Variants in ARMC2 observed in about 807,000 individuals in gnomAD.
ARMC2 encodes the protein armadillo repeat-containing protein 2.
ARMC2 carries 67 observed loss-of-function variants against 90.3 expected under a neutral mutation model. That is an observed-to-expected ratio of 0.74 (90% confidence interval 0.61 to 0.91). The LOEUF is 0.91. ARMC2 is among the 40% of genes least tolerant of loss of function. The pLI is 0.00. For missense variants in ARMC2, 920 were observed against 1,030.9 expected (o/e 0.89, Z 1.47); for synonymous variants, 393 against 393.0 (o/e 1.00, Z 0.00).
chr6:108,925,189 G>A (rs930788987), intron 10 of ARMC2, among the ~76,000 whole-genome samples: 5 of 152,166 alleles, frequency 3.3e-5, no homozygotes, highest in African/African-American at 1.2e-4. Context: ...AGCCTGAGCT[G>A]GGTAACTACA....
chr6:108,907,781 G>A (rs1583073420), intron 8 of ARMC2: 1 of 1,610,740 alleles, frequency 6.2e-7, no homozygotes, highest in African/African-American at 1.3e-5. Context: ...AATGCCACTA[G>A]GGCTGAAGTC....
At chr6:108,929,627 A>G (rs1215272682) in intron 11 of ARMC2, among the ~76,000 whole-genome samples, 5 of 152,096 alleles carry the variant, frequency 3.3e-5, no homozygotes, top group African/African-American at 1.2e-4. Flanking sequence ...CCACAGGTGC[A>G]CGCCAACATG....
the ARMC2 span, among the ~76,000 whole-genome samples, chr6:108,984,262 T>C: frequency 2.6e-5 from 4 of 152,336 alleles, no homozygotes; most frequent in South Asian, 2.1e-4. Flanking sequence ...TGTAAGTCTT[T>C]TGTCTTAGTC....
At chr6:109,017,241 T>G in the ARMC2 span, among the ~76,000 whole-genome samples, 1 of 152,282 alleles carries the variant, frequency 6.6e-6, no homozygotes, top group East Asian at 1.9e-4. Flanking sequence ...TATGTAACCA[T>G]TTAGCATTCA....
chr6:108,909,682 C>T (rs886706911), intron 8 of ARMC2, among the ~76,000 whole-genome samples: 7 of 152,000 alleles, frequency 4.6e-5, no homozygotes, highest in African/African-American at 9.7e-5. Flanking sequence ...ATTACAGGCG[C>T]GTGCCACCAC....
Position 108,935,465 on chromosome 6 carries a change from A to C in ARMC2, c.1497-1435A>C, listed in dbSNP as rs567440329. The stretch of plus-strand genomic sequence containing the variant: ...TTTTTGTTTTTTGTTTTTTTGAGAC[A>C]AGGTCTCACTCTGTCACCCAGGCTG... On this transcript the variant is annotated intron_variant, in intron 11 of 17. Coordinates refer to ENST00000392644, the MANE Select transcript of ARMC2 (RefSeq NM_032131.6). Among the ~76,000 whole-genome samples the C allele has an allele frequency of 3.1e-3, 471 of 152,126 alleles. 3 individuals carry two copies. The highest frequency in any genetic ancestry group is 0.011 in the African/African-American group (453 of 41,512).
intron 14 of ARMC2, 144 bp downstream of exon 14, chr6:108,961,838 A>G: frequency 1.7e-6 from 2 of 1,174,820 alleles, no homozygotes; most frequent in South Asian, 3.1e-5. Flanking sequence ...AGAAATTAGA[A>G]TATGGGGAAA....
At chr6:108,967,398 G>T (rs1251917652) in intron 17 of ARMC2, among the ~76,000 whole-genome samples, 1 of 152,208 alleles carries the variant, frequency 6.6e-6, no homozygotes, top group African/African-American at 2.4e-5. Flanking sequence ...CCGGGGCCGT[G>T]TGGCATAAAG....
At chr6:108,902,706 C>T (rs1011262944) in intron 7 of ARMC2, among the ~76,000 whole-genome samples, 2 of 152,136 alleles carry the variant, frequency 1.3e-5, no homozygotes, top group Non-Finnish European at 2.9e-5. Flanking sequence ...CAGGCACACA[C>T]TTCCTCTATG....
At chr6:108,909,316 A>G (rs1486967631) in intron 8 of ARMC2, among the ~76,000 whole-genome samples, 3 of 152,032 alleles carry the variant, frequency 2.0e-5, no homozygotes, top group Non-Finnish European at 4.4e-5. Context: ...GATAGTATTG[A>G]TGTCCCACAA....
chr6:108,927,052 A>G (rs113086017), intron 10 of ARMC2, among the ~76,000 whole-genome samples: 86 of 152,158 alleles, frequency 5.7e-4, no homozygotes, highest in Non-Finnish European at 1.1e-3. Flanking sequence ...AAGTTTATAT[A>G]CTATGGCTGT....
At chr6:108,983,766 A>T in the ARMC2 span, among the ~76,000 whole-genome samples, 2 of 152,226 alleles carry the variant, frequency 1.3e-5, no homozygotes, top group African/African-American at 4.8e-5. Context: ...GGAATTCTCT[A>T]CTTCCGTGAA....
the ARMC2 span, chr6:108,988,519 A>G: frequency 5.1e-6 from 8 of 1,581,884 alleles, no homozygotes; most frequent in Non-Finnish European, 6.9e-6. Flanking sequence ...GTTACAAAGT[A>G]AATAAGCCAC....
At chr6:108,950,476 A>G (rs1777102566) in intron 12 of ARMC2, among the ~76,000 whole-genome samples, 1 of 152,208 alleles carries the variant, frequency 6.6e-6, no homozygotes, top group Admixed American at 6.5e-5. Context: ...CTTTGCAGAA[A>G]CATGGATAGA....
At chr6:108,925,556 C>T (rs1015001479) in intron 10 of ARMC2, among the ~76,000 whole-genome samples, 4 of 152,122 alleles carry the variant, frequency 2.6e-5, no homozygotes, top group South Asian at 2.1e-4. Flanking sequence ...TGAAGCTTGA[C>T]GGGTTGAGAA....
At chr6:108,876,899 A>C (rs923741361) in intron 5 of ARMC2, among the ~76,000 whole-genome samples, 3 of 152,182 alleles carry the variant, frequency 2.0e-5, no homozygotes, top group African/African-American at 7.2e-5. Flanking sequence ...ATTTCATACC[A>C]TGTTCCTAGA....
At chr6:108,923,919 C>G (rs1052263048) in intron 10 of ARMC2, 6 of 152,300 alleles carry the variant, frequency 3.9e-5, no homozygotes, top group Non-Finnish European at 8.8e-5. Flanking sequence ...CTTCCCCCTC[C>G]TCATTCCCCT....
At chr6:108,848,878 T>C (rs1773713339) in intron 1 of ARMC2, 1 of 152,232 alleles carries the variant, frequency 6.6e-6, no homozygotes, top group South Asian at 2.1e-4. Flanking sequence ...CGCCTGTGTG[T>C]CCTCGGATGG....
At chr6:108,865,061 C>T (rs1429995999) in intron 3 of ARMC2, among the ~76,000 whole-genome samples, 1 of 146,586 alleles carries the variant, frequency 6.8e-6, no homozygotes. Context: ...TGCAGTGGTG[C>T]AACCTCCACC....
Sources: gnomAD v4.1 joint callset for allele counts (sites outside exome capture counted in the v4.1 genomes callset) on GRCh38, gnomAD v4.1.1 for gene constraint, MANE v1.5 for transcripts, NCBI Gene and HGNC (gene_info 2026-07-23, HGNC 2026-07-21) for gene names.